Variants in ZNF532 observed in about 807,000 individuals in gnomAD.
The protein encoded by ZNF532 is zinc finger protein 532.
ZNF532 carries 22 observed loss-of-function variants against 89.3 expected under a neutral mutation model. The ratio of observed to expected loss-of-function variants is 0.25; its 90% CI spans 0.18 to 0.35. The LOEUF (loss-of-function observed/expected upper bound fraction) is 0.35. ZNF532 is among the 10% of genes least tolerant of loss of function. ZNF532 has a pLI of 1.00. For synonymous variants in ZNF532, 606 were observed against 649.6 expected, an observed-to-expected ratio of 0.93 and a Z score of 1.02; for missense variants, 1,132 against 1,643.4, an observed-to-expected ratio of 0.69 and a Z score of 5.38.
intron 3 of ZNF532, among the ~76,000 whole-genome samples, chr18:58,926,752 A>G (rs2061559720): frequency 6.6e-6 from 1 of 152,130 alleles, no homozygotes; most frequent in Admixed American, 6.5e-5. Flanking sequence ...CATCACTAAT[A>G]ATTTTTATAT....
intron 2 of ZNF532, among the ~76,000 whole-genome samples, chr18:58,916,135 G>A (rs555688425): frequency 2.8e-4 from 42 of 152,324 alleles, no homozygotes; most frequent in African/African-American, 9.4e-4. Flanking sequence ...GATCAACATG[G>A]TTGGTAAGGA....
upstream of ZNF532, chr18:58,863,316 A>G (rs2144252875): frequency 6.6e-6 from 1 of 151,078 alleles, no homozygotes; most frequent in African/African-American, 2.4e-5. Context: ...CGTATGGGCG[A>G]GACTTGGCAG....
rs371335487 is a variant in ZNF532, at chr18:58,903,100, A to G, written c.-17-15171A>G. On this transcript the variant is annotated intron_variant, in intron 2 of 9. Transcript: ENST00000591808. ...GGCACTTTCCATGTTACTTGTTTCC[A>G]TTTGTAGAATAACCCTGTGATACGG... Among the ~76,000 whole-genome samples, 13 of 152,200 alleles carry G rather than the reference A, an allele frequency of 8.5e-5. No homozygotes were observed. The East Asian group carries it at 1.7e-3, about 20-fold the overall frequency.
chr18:58,908,496 C>G (rs2060082840), intron 2 of ZNF532, among the ~76,000 whole-genome samples: 1 of 152,094 alleles, frequency 6.6e-6, no homozygotes, highest in South Asian at 2.1e-4. Flanking sequence ...ATTCATCATT[C>G]ATTGATTTAT....
chr18:58,867,641 G>C (rs2056597917), intron 2 of ZNF532, among the ~76,000 whole-genome samples: 1 of 152,194 alleles, frequency 6.6e-6, no homozygotes, highest in South Asian at 2.1e-4. Flanking sequence ...CCAGCCCCTG[G>C]TCGGCAGTGC....
At position 58,865,172 on chromosome 18, in the gene ZNF532, T is replaced by C. The variant is rs1385384584; in HGVS notation, c.-341T>C. On this transcript the variant is annotated 5_prime_UTR_variant, in exon 1 of 10. Coordinates refer to ENST00000591808, the MANE Select transcript of ZNF532 (RefSeq NM_001375912.1). ...TGTGCCTTGCTAGGGTGGGGACACT[T>C]GGTTGATGCAGTCTCTCTCTCTCTT... 6.6e-6 allele frequency: 1 copy of C among 151,738 alleles called. No homozygotes were observed. Among genetic ancestry groups the C allele is most frequent in the Non-Finnish European group, 1.5e-5 (1 of 67,958 alleles). The allele number at this position is 151,738 out of a possible 1,614,324, so 9.4% of individuals were successfully genotyped here.
intron 3 of ZNF532, among the ~76,000 whole-genome samples, chr18:58,933,758 G>C (rs555253017): frequency 6.6e-6 from 1 of 152,234 alleles, no homozygotes; most frequent in Admixed American, 6.5e-5. Flanking sequence ...TTCCAAAGAG[G>C]ATTTCACCCT....
chr18:58,981,386 T>TA, intron 8 of ZNF532, 84 bp from the exon 9 acceptor site: 1 of 1,529,046 alleles, frequency 6.5e-7, no homozygotes, highest in Non-Finnish European at 8.8e-7. Flanking sequence ...AACTGACGGC[T>TA]AAGGAGGACC....
intron 7 of ZNF532, among the ~76,000 whole-genome samples, chr18:58,961,220 AGCTGATGCTGAT>A (rs1271411369): frequency 1.3e-5 from 2 of 152,200 alleles, no homozygotes; most frequent in Non-Finnish European, 2.9e-5. Flanking sequence ...CACAAGCCCT[AGCTGATGCTGAT>A]GCTGATGCTG....
At chr18:58,903,002 T>C (rs1337050067) in intron 2 of ZNF532, among the ~76,000 whole-genome samples, 1 of 152,218 alleles carries the variant, frequency 6.6e-6, no homozygotes, top group East Asian at 1.9e-4. Flanking sequence ...CTCAAGAATA[T>C]TAATTTAGTT....
intron 7 of ZNF532, among the ~76,000 whole-genome samples, chr18:58,967,411 T>C (rs138835245): frequency 1.3e-5 from 2 of 152,306 alleles, no homozygotes; most frequent in East Asian, 3.9e-4. Context: ...GCTCGCAGTT[T>C]CCTGACATGT....
intron 4 of ZNF532, among the ~76,000 whole-genome samples, chr18:58,938,713 C>T (rs984233296): frequency 6.6e-6 from 1 of 152,206 alleles, no homozygotes; most frequent in Non-Finnish European, 1.5e-5. Context: ...CTTTGTTCCT[C>T]TCTGCCCCTC....
chr18:58,908,123 C>G (rs1297000388), intron 2 of ZNF532, among the ~76,000 whole-genome samples: 1 of 152,210 alleles, frequency 6.6e-6, no homozygotes, highest in East Asian at 1.9e-4. Context: ...AAGGCTCCCT[C>G]TAAATATCAG....
intron 2 of ZNF532, among the ~76,000 whole-genome samples, chr18:58,867,842 C>T (rs1035745686): frequency 1.3e-5 from 2 of 152,294 alleles, no homozygotes; most frequent in Middle Eastern, 3.4e-3. Flanking sequence ...GAACTCTCAG[C>T]GCAACCTGGT....
intron 2 of ZNF532, among the ~76,000 whole-genome samples, chr18:58,886,200 C>G (rs1169384492): frequency 6.6e-6 from 1 of 152,048 alleles, no homozygotes; most frequent in Non-Finnish European, 1.5e-5. Context: ...AGGCTGGTCT[C>G]GAACTCCTGG....
intron 5 of ZNF532, 152 bp from the exon 6 acceptor site, chr18:58,947,915 A>G (rs1479758575): frequency 1.6e-6 from 1 of 642,614 alleles, no homozygotes; most frequent in African/African-American, 1.9e-5. Flanking sequence ...GTTGTCTTCA[A>G]AAGTTTGTTT....
chr18:58,903,076 G>A (rs534760391), intron 2 of ZNF532, among the ~76,000 whole-genome samples: 3 of 152,030 alleles, frequency 2.0e-5, no homozygotes, highest in Admixed American at 2.0e-4. Flanking sequence ...TGTGTGCTTG[G>A]CACTTTCCAT....
chr18:58,951,070 C>T (rs936237775), intron 6 of ZNF532, among the ~76,000 whole-genome samples: 7 of 152,118 alleles, frequency 4.6e-5, no homozygotes, highest in African/African-American at 1.7e-4. Context: ...ATCCTCCAAC[C>T]TCAGCCCCCC....
intron 2 of ZNF532, among the ~76,000 whole-genome samples, chr18:58,908,035 A>G (rs1208647992): frequency 6.6e-6 from 1 of 152,220 alleles, no homozygotes; most frequent in African/African-American, 2.4e-5. Context: ...GGGTAGGAGT[A>G]TTCTTTGACA....
Sources: gnomAD v4.1 joint callset for allele counts (sites outside exome capture counted in the v4.1 genomes callset) on GRCh38, gnomAD v4.1.1 for gene constraint, MANE v1.5 for transcripts, NCBI Gene and HGNC (gene_info 2026-07-23, HGNC 2026-07-21) for gene names.